Variants in TNFSF4 observed in about 807,000 individuals in gnomAD.
The protein encoded by TNFSF4 is tumor necrosis factor ligand superfamily member 4.
Under a neutral mutation model 7.3 loss-of-function variants are expected in TNFSF4, and 4 were observed. The observed-to-expected ratio is 0.55, with a 90% confidence interval of 0.27 to 1.25. TNFSF4 has a LOEUF of 1.25. Among genes scored for constraint, TNFSF4 ranks in the 50% most tolerant of loss-of-function variants. The pLI is 0.12. For missense variants in TNFSF4, 181 were observed against 208.8 expected, an observed-to-expected ratio of 0.87 and a Z score of 0.82; for synonymous variants, 76 against 83.7, an observed-to-expected ratio of 0.91 and a Z score of 0.50.
At chr1:173,390,840 C>A in the TNFSF4 span, among the ~76,000 whole-genome samples, 1 of 150,708 alleles carries the variant, frequency 6.6e-6, no homozygotes, top group African/African-American at 2.4e-5. Flanking sequence ...CTGCCTCCCA[C>A]GTTCAAGCGA....
At chr1:173,295,505 A>C in the TNFSF4 span, among the ~76,000 whole-genome samples, 1 of 152,166 alleles carries the variant, frequency 6.6e-6, no homozygotes, top group Admixed American at 6.6e-5. Context: ...TGATCTGGAC[A>C]CAACAGTACT....
At chr1:173,353,746 A>G in the TNFSF4 span, among the ~76,000 whole-genome samples, 4 of 152,376 alleles carry the variant, frequency 2.6e-5, no homozygotes, top group South Asian at 8.3e-4. Flanking sequence ...AGAATCCTAT[A>G]TAAATCATTT....
chr1:173,447,575 T>C, the TNFSF4 span, among the ~76,000 whole-genome samples: 2 of 152,130 alleles, frequency 1.3e-5, no homozygotes, highest in Non-Finnish European at 2.9e-5. Context: ...TTTAAAGATT[T>C]TTTTAAAGAA....
the TNFSF4 span, among the ~76,000 whole-genome samples, chr1:173,377,762 C>A: frequency 4.0e-4 from 61 of 152,300 alleles, no homozygotes; most frequent in African/African-American, 1.4e-3. Flanking sequence ...CAGGGTGGGG[C>A]ACTATCTTAT....
the TNFSF4 span, among the ~76,000 whole-genome samples, chr1:173,329,413 T>C: frequency 2.0e-5 from 3 of 152,198 alleles, no homozygotes; most frequent in Non-Finnish European, 4.4e-5. Flanking sequence ...TCAGTGCAGA[T>C]GCAATTTTTT....
the TNFSF4 span, among the ~76,000 whole-genome samples, chr1:173,258,018 A>T: frequency 6.6e-6 from 1 of 152,124 alleles, no homozygotes; most frequent in African/African-American, 2.4e-5. Flanking sequence ...TTGGTAAACT[A>T]TCAGGGCCCA....
the TNFSF4 span, among the ~76,000 whole-genome samples, chr1:173,444,186 C>T: frequency 3.0e-3 from 456 of 152,218 alleles, 1 homozygote; most frequent in African/African-American, 7.4e-3. Flanking sequence ...CCACTCCACC[C>T]GACCCCTTTC....
At chr1:173,271,322 TA>T in the TNFSF4 span, among the ~76,000 whole-genome samples, 2 of 152,176 alleles carry the variant, frequency 1.3e-5, no homozygotes, top group Non-Finnish European at 2.9e-5. Context: ...AGAATTTTTG[TA>T]CAAGGTGAAA....
chr1:173,304,448 A>G, the TNFSF4 span, among the ~76,000 whole-genome samples: 1 of 151,956 alleles, frequency 6.6e-6, no homozygotes, highest in African/African-American at 2.4e-5. Flanking sequence ...ATGGTTTAGA[A>G]AGGGGAAAAT....
chr1:173,373,660 T>C, the TNFSF4 span, among the ~76,000 whole-genome samples: 1 of 152,060 alleles, frequency 6.6e-6, no homozygotes, highest in East Asian at 1.9e-4. Context: ...AATAATCCCT[T>C]GGTCCATCAT....
chr1:173,351,908 C>T, the TNFSF4 span: 1 of 559,044 alleles, frequency 1.8e-6, no homozygotes. Context: ...TAAAACTGGA[C>T]AAAGACCGCA....
chr1:173,376,946 C>T, the TNFSF4 span, among the ~76,000 whole-genome samples: 1 of 152,148 alleles, frequency 6.6e-6, no homozygotes, highest in East Asian at 1.9e-4. Context: ...GGACGCACCA[C>T]TTTTAAGAGC....
chr1:173,385,517 T>C, the TNFSF4 span, among the ~76,000 whole-genome samples: 1 of 152,230 alleles, frequency 6.6e-6, no homozygotes, highest in Non-Finnish European at 1.5e-5. Flanking sequence ...TCTGTAATGT[T>C]AGGGGCATCC....
At chr1:173,331,083 C>T in the TNFSF4 span, among the ~76,000 whole-genome samples, 2 of 152,016 alleles carry the variant, frequency 1.3e-5, no homozygotes, top group African/African-American at 4.8e-5. Flanking sequence ...CGGGGTTTCA[C>T]CATGTTGGCC....
intron 1 of TNFSF4, among the ~76,000 whole-genome samples, chr1:173,201,179 G>C (rs776981519): frequency 6.6e-6 from 1 of 150,826 alleles, no homozygotes; most frequent in Non-Finnish European, 1.5e-5. Context: ...CGTAATTTTA[G>C]ATCTCTGAAC....
the TNFSF4 span, among the ~76,000 whole-genome samples, chr1:173,386,806 G>C: frequency 2.0e-5 from 3 of 152,240 alleles, no homozygotes; most frequent in Admixed American, 6.5e-5. Context: ...GTGTTCAGAA[G>C]ACGGGATATG....
chr1:173,340,204 T>A, the TNFSF4 span, among the ~76,000 whole-genome samples: 1 of 152,138 alleles, frequency 6.6e-6, no homozygotes, highest in Admixed American at 6.5e-5. Flanking sequence ...GAGCCTAGTA[T>A]CCTCAGGAAT....
the TNFSF4 span, among the ~76,000 whole-genome samples, chr1:173,398,938 G>A: frequency 3.2e-3 from 486 of 152,206 alleles, 1 homozygote; most frequent in Middle Eastern, 0.01. Flanking sequence ...AGTAAAGCCC[G>A]CAGTCCTGCA....
chr1:173,380,462 T>C, the TNFSF4 span, among the ~76,000 whole-genome samples: 6 of 152,148 alleles, frequency 3.9e-5, no homozygotes, highest in South Asian at 4.1e-4. Context: ...CAGCTGATCA[T>C]AGTAACTTCT....
Sources: gnomAD v4.1 joint callset for allele counts (sites outside exome capture counted in the v4.1 genomes callset) on GRCh38, gnomAD v4.1.1 for gene constraint, MANE v1.5 for transcripts, NCBI Gene and HGNC (gene_info 2026-07-23, HGNC 2026-07-21) for gene names.